Variants in AUTS2 observed in about 807,000 individuals in gnomAD.
AUTS2 encodes autism susceptibility gene 2 protein.
A neutral mutation model predicts 112.4 loss-of-function variants in AUTS2; 17 were observed. The observed-to-expected ratio is 0.15, with a 90% CI of 0.10 to 0.23. AUTS2 has a LOEUF of 0.23. AUTS2 is among the 10% of genes least tolerant of loss of function. The pLI is 1.00. For missense variants in AUTS2, 1,510 were observed against 1,701.6 expected, an observed-to-expected ratio of 0.89 and a Z score of 1.98; for synonymous variants, 751 against 702.7, an observed-to-expected ratio of 1.07 and a Z score of -1.09.
At chr7:70,118,272 C>G (rs778063929) in intron 3 of AUTS2, 39 bp downstream of exon 3, 3 of 1,408,202 alleles carry the variant, frequency 2.1e-6, no homozygotes, top group Non-Finnish European at 2.9e-6. Flanking sequence ...AAAAAATTAA[C>G]GAAAACCACT....
chr7:70,382,088 CT>C (rs1158704952), intron 4 of AUTS2, among the ~76,000 whole-genome samples: 1 of 152,162 alleles, frequency 6.6e-6, no homozygotes, highest in Non-Finnish European at 1.5e-5. Flanking sequence ...TGCCCTACAA[CT>C]TCCCTTGCAT....
chr7:69,766,132 A>G (rs1788410882), intron 1 of AUTS2, among the ~76,000 whole-genome samples: 2 of 152,118 alleles, frequency 1.3e-5, no homozygotes, highest in South Asian at 4.1e-4. Flanking sequence ...CTTCCTGGAA[A>G]CCACCATTCT....
At chr7:70,126,299 C>G (rs563561127) in intron 3 of AUTS2, among the ~76,000 whole-genome samples, 22 of 152,138 alleles carry the variant, frequency 1.4e-4, no homozygotes, top group Admixed American at 2.6e-4. Context: ...AGCACAGGTA[C>G]TCGGGAGGCT....
chr7:69,958,887 G>C (rs1797321386), intron 2 of AUTS2, among the ~76,000 whole-genome samples: 1 of 152,172 alleles, frequency 6.6e-6, no homozygotes, highest in South Asian at 2.1e-4. Flanking sequence ...AAAGGGGAAA[G>C]CCAGAGTATT....
chr7:69,844,575 T>A (rs1792114695), intron 1 of AUTS2, among the ~76,000 whole-genome samples: 1 of 152,212 alleles, frequency 6.6e-6, no homozygotes, highest in South Asian at 2.1e-4. Context: ...ATACTCATAT[T>A]AATATTTCAT....
intron 1 of AUTS2, among the ~76,000 whole-genome samples, chr7:69,634,671 G>A (rs1794434610): frequency 6.6e-6 from 1 of 152,190 alleles, no homozygotes; most frequent in South Asian, 2.1e-4. Flanking sequence ...AGGTGGCTTA[G>A]GGTAATATGT....
intron 2 of AUTS2, among the ~76,000 whole-genome samples, chr7:70,020,756 TCA>T (rs1800234363): frequency 2.0e-5 from 3 of 152,082 alleles, no homozygotes; most frequent in Non-Finnish European, 4.4e-5. Context: ...CAATCATAGC[TCA>T]CTGCAGCCTT....
intron 5 of AUTS2, among the ~76,000 whole-genome samples, chr7:70,676,576 C>T (rs1408858770): frequency 2.0e-5 from 3 of 152,178 alleles, no homozygotes; most frequent in Middle Eastern, 3.4e-3. Flanking sequence ...TCAGACTTCA[C>T]TTAAATGGGC....
chr7:70,789,506 G>C (rs1261674000), intron 18 of AUTS2, among the ~76,000 whole-genome samples: 4 of 152,074 alleles, frequency 2.6e-5, no homozygotes, highest in Non-Finnish European at 5.9e-5. Context: ...CTTGCTCCCA[G>C]CAGACTCCCC....
At chr7:70,048,802 T>C (rs890814572) in intron 2 of AUTS2, among the ~76,000 whole-genome samples, 1 of 152,216 alleles carries the variant, frequency 6.6e-6, no homozygotes, top group Non-Finnish European at 1.5e-5. Context: ...AAAAGTTGAT[T>C]GATAAATAAA....
chr7:70,170,524 A>G (rs1039818910), intron 4 of AUTS2, among the ~76,000 whole-genome samples: 1 of 151,460 alleles, frequency 6.6e-6, no homozygotes. Context: ...ATGAACAAGC[A>G]TTATAGATCA....
intron 5 of AUTS2, among the ~76,000 whole-genome samples, chr7:70,638,588 G>T (rs1417243482): frequency 1.3e-5 from 2 of 151,974 alleles, no homozygotes; most frequent in Admixed American, 6.6e-5. Flanking sequence ...CTCCATAAAG[G>T]ACTGTGCGAG....
chr7:70,790,634 C>T lies in AUTS2; in HGVS notation c.3418C>T (p.Arg1140Trp). ...HHHHPLSVDP[R>W]REHERGGHLD... ...CCACCACCCGCTGTCTGTGGACCCT[C>T]GGCGGGAGCACGAGCGGGGAGGCCA... is the stretch of plus-strand genomic sequence containing the variant. Residue 1140 changes from arginine (R) to tryptophan (W), a missense_variant, in exon 19 of 19, where the codon CGG (arginine) becomes TGG (tryptophan). Around this residue, in one of 3 missense-constraint regions of AUTS2, gnomAD observed 788 missense variants for 797.6 expected, o/e 0.99. Coordinates refer to ENST00000342771, the MANE Select transcript of AUTS2 (RefSeq NM_015570.4). This position sits in a 1 kb window ranked among gnomAD's most constrained non-coding sequence, Gnocchi z 7.6. The T allele has an allele frequency of 1.9e-6, 3 of 1,611,756 alleles. No homozygotes were observed. Among genetic ancestry groups the T allele is most frequent in the Non-Finnish European group, 2.5e-6 (3 of 1,179,302 alleles).
chr7:70,096,553 C>G (rs929963069), intron 2 of AUTS2, among the ~76,000 whole-genome samples: 6 of 146,624 alleles, frequency 4.1e-5, no homozygotes, highest in Non-Finnish European at 7.4e-5. Flanking sequence ...GAGCCGAGAT[C>G]GCGCCATTGC....
At chr7:69,883,387 A>G (rs1174122302) in intron 1 of AUTS2, among the ~76,000 whole-genome samples, 3 of 151,820 alleles carry the variant, frequency 2.0e-5, no homozygotes, top group Non-Finnish European at 4.4e-5. Context: ...GTAAGGTTAG[A>G]TAACTGCTGA....
At chr7:70,112,356 C>A (rs2129571601) in intron 2 of AUTS2, among the ~76,000 whole-genome samples, 1 of 151,916 alleles carries the variant, frequency 6.6e-6, no homozygotes, top group African/African-American at 2.4e-5. Context: ...GAAATTTATT[C>A]TTATATTCTT....
At chr7:70,014,025 A>G (rs1247077634) in intron 2 of AUTS2, among the ~76,000 whole-genome samples, 1 of 152,146 alleles carries the variant, frequency 6.6e-6, no homozygotes, top group Non-Finnish European at 1.5e-5. Flanking sequence ...CTCATCAGTT[A>G]TTTTTTAATT....
At chr7:70,593,120 G>T (rs1477450250) in intron 5 of AUTS2, among the ~76,000 whole-genome samples, 2 of 151,970 alleles carry the variant, frequency 1.3e-5, no homozygotes, top group African/African-American at 4.8e-5. Flanking sequence ...TAAAGTGCTG[G>T]GATTAACAGG....
Position 70,418,101 on chromosome 7 carries a change from G to GTC in AUTS2, c.661-17650_661-17649insCT, listed in dbSNP as rs1554396519. On this transcript the variant is annotated intron_variant, in intron 4 of 18. Coordinates refer to ENST00000342771, the MANE Select transcript of AUTS2 (RefSeq NM_015570.4). ...TGTGTGTGTGTGTGTGTGTGTGTGTGTGTGTGTGTGTCTGTGTGTGTAGAC... is the reference window on the plus strand; with the variant it reads ...TGTGTGTGTGTGTGTGTGTGTGTGTGTCTGTGTGTGTGTCTGTGTGTGTAGAC... Among the ~76,000 whole-genome samples, 163 of 148,706 alleles carry GTC rather than the reference G, an allele frequency of 1.1e-3. 3 individuals carry two copies. Among genetic ancestry groups the GTC allele is most frequent in the African/African-American group, 3.9e-3 (157 of 40,428 alleles).
Sources: gnomAD v4.1 joint callset for allele counts (sites outside exome capture counted in the v4.1 genomes callset) on GRCh38, gnomAD v4.1.1 for gene constraint, gnomAD v4.1.1 regional missense constraint, Gnocchi (gnomAD v3.1) non-coding constraint, MANE v1.5 for transcripts, NCBI Gene and HGNC (gene_info 2026-07-23, HGNC 2026-07-21) for gene names.